The following SI variants were observed in gnomAD, a reference collection of about 807,000 sequenced individuals.
SI encodes the protein sucrase-isomaltase, intestinal.
A neutral mutation model predicts 253.3 loss-of-function variants in SI; 235 were observed. That is an observed-to-expected ratio of 0.93 (90% CI 0.83 to 1.03). The LOEUF (loss-of-function observed/expected upper bound fraction) is 1.03, where lower values mean the gene tolerates loss of function less well. SI is among the 50% of genes least tolerant of loss of function. The pLI is 0.00. For synonymous variants in SI, 819 were observed against 712.0 expected, an observed-to-expected ratio of 1.15 and a Z score of -2.39; for missense variants, 2,442 against 2,211.1, an observed-to-expected ratio of 1.10 and a Z score of -2.09.
intron 22 of SI, 39 bp from the exon 23 acceptor site, chr3:165,033,483 G>C: frequency 6.9e-7 from 1 of 1,448,882 alleles, no homozygotes; most frequent in Non-Finnish European, 9.2e-7. Context: ...AAAATGCAAT[G>C]TTAAATTCTC....
intron 37 of SI, among the ~76,000 whole-genome samples, chr3:165,002,889 A>C (rs1576878731): frequency 6.6e-6 from 1 of 151,794 alleles, no homozygotes; most frequent in East Asian, 1.9e-4. Flanking sequence ...TGAAACTTGC[A>C]CTGAAAAGTT....
intron 6 of SI, among the ~76,000 whole-genome samples, chr3:165,066,856 T>G (rs1174032471): frequency 6.6e-6 from 1 of 151,992 alleles, no homozygotes; most frequent in Non-Finnish European, 1.5e-5. Context: ...TTGAAACCAT[T>G]CCTAGGAAAT....
intron 40 of SI, among the ~76,000 whole-genome samples, 187 bp from the exon 41 acceptor site, chr3:164,994,592 C>T (rs1717926412): frequency 6.6e-6 from 1 of 151,718 alleles, no homozygotes. Flanking sequence ...AGGTACACAA[C>T]ATTTTAATAA....
At chr3:165,056,628 C>A (rs1328727454) in intron 12 of SI, among the ~76,000 whole-genome samples, 3 of 152,072 alleles carry the variant, frequency 2.0e-5, no homozygotes, top group African/African-American at 7.2e-5. Flanking sequence ...TGATTGTGGT[C>A]TTTTGCATTG....
chr3:165,021,482 G>A (rs1170826161), intron 26 of SI, 99 bp from the exon 27 acceptor site: 2 of 946,260 alleles, frequency 2.1e-6, no homozygotes, highest in Non-Finnish European at 3.4e-6. Flanking sequence ...AGAATATTTA[G>A]AATTTTTCTC....
chr3:165,029,596 ATAT>A (rs1712122857), intron 25 of SI, among the ~76,000 whole-genome samples: 1 of 145,662 alleles, frequency 6.9e-6, no homozygotes, highest in African/African-American at 2.5e-5. Flanking sequence ...ATATGTATAT[ATAT>A]ACATATATAT....
intron 9 of SI, 97 bp downstream of exon 9, chr3:165,062,274 C>T (rs1416189558): frequency 2.3e-5 from 16 of 697,364 alleles, no homozygotes; most frequent in Non-Finnish European, 3.9e-5. Context: ...AGCTAAGAGG[C>T]CCCTACTATG....
At chr3:165,012,330 C>T (rs1449528518) in intron 34 of SI, among the ~76,000 whole-genome samples, 4 of 152,072 alleles carry the variant, frequency 2.6e-5, no homozygotes, top group Admixed American at 1.3e-4. Context: ...CACAACATTG[C>T]CCCTATAGTT....
At chr3:164,998,750 T>TA (rs543028991) in intron 37 of SI, 77 bp from the exon 38 acceptor site, 1,106 of 1,191,016 alleles carry the variant, frequency 9.3e-4, no homozygotes, top group Middle Eastern at 1.5e-3. Context: ...GACTACTTTG[T>TA]AAAAAAAAAT....
the SI span, among the ~76,000 whole-genome samples, chr3:165,086,812 T>G: frequency 6.6e-6 from 1 of 152,154 alleles, no homozygotes; most frequent in South Asian, 2.1e-4. Context: ...CACTGGAACC[T>G]GTAATGAATT....
At chr3:165,059,725 C>T (rs1321114315) in intron 10 of SI, among the ~76,000 whole-genome samples, 177 bp downstream of exon 10, 1 of 151,900 alleles carries the variant, frequency 6.6e-6, no homozygotes, top group African/African-American at 2.4e-5. Flanking sequence ...TATATTTGTA[C>T]TTTCAGGAGG....
intron 45 of SI, 49 bp from the exon 46 acceptor site, chr3:164,983,100 A>G (rs551785897): frequency 2.0e-6 from 3 of 1,501,130 alleles, no homozygotes; most frequent in South Asian, 2.3e-5. Flanking sequence ...CCAAAGAAGA[A>G]CCATAGTAAA....
At chr3:165,089,972 G>C in the SI span, among the ~76,000 whole-genome samples, 1 of 152,094 alleles carries the variant, frequency 6.6e-6, no homozygotes, top group South Asian at 2.1e-4. Flanking sequence ...GACAGAGCAA[G>C]AAGGTGGAAA....
intron 8 of SI, 100 bp downstream of exon 8, chr3:165,063,342 A>C: frequency 1.6e-6 from 1 of 624,894 alleles, no homozygotes; most frequent in Non-Finnish European, 2.9e-6. Context: ...ACTATAATAG[A>C]GTTTACTCTC....
chr3:165,089,938 CAG>C, the SI span, among the ~76,000 whole-genome samples: 22 of 152,054 alleles, frequency 1.4e-4, no homozygotes, highest in African/African-American at 5.3e-4. Context: ...GAGACAAAGA[CAG>C]AGATTGAGGC....
chr3:164,980,466 TAA>T (rs1354850217), intron 47 of SI, among the ~76,000 whole-genome samples: 1 of 151,950 alleles, frequency 6.6e-6, no homozygotes, highest in Non-Finnish European at 1.5e-5. Context: ...ATCTCTTGCA[TAA>T]ATTAAAGGAC....
intron 46 of SI, among the ~76,000 whole-genome samples, 153 bp downstream of exon 46, chr3:164,982,849 T>C (rs1717256800): frequency 6.6e-6 from 1 of 151,938 alleles, no homozygotes; most frequent in South Asian, 2.1e-4. Context: ...TGGGGTCCCA[T>C]TATGTTGCCC....
At position 165,003,255 on chromosome 3, in the gene SI, T is replaced by G. The variant is rs566189947; in HGVS notation, c.4406+3561A>C. On this transcript the variant is annotated intron_variant, in intron 37 of 47. Coordinates refer to ENST00000264382, the MANE Select transcript of SI (RefSeq NM_001041.4). ...AGAGGAATTTTTTTTTCAATTTTTG[T>G]TAAGCTACATACTTTCAACTCAAAG... Among the ~76,000 whole-genome samples the G allele has an allele frequency of 2.0e-5, 3 of 151,944 alleles. No individual in the cohort carries two copies. The South Asian group carries it at 6.2e-4, about 31-fold the overall frequency.
At chr3:165,064,026 C>G (rs1301525068) in intron 7 of SI, among the ~76,000 whole-genome samples, 1 of 151,014 alleles carries the variant, frequency 6.6e-6, no homozygotes, top group East Asian at 1.9e-4. Context: ...TTTGAGATAC[C>G]CTCACTGCAC....
Sources: gnomAD v4.1 joint callset for allele counts (sites outside exome capture counted in the v4.1 genomes callset) on GRCh38, gnomAD v4.1.1 for gene constraint, MANE v1.5 for transcripts, NCBI Gene and HGNC (gene_info 2026-07-23, HGNC 2026-07-21) for gene names.